The following MSRA variants were observed in gnomAD, a reference collection of about 807,000 sequenced individuals.
The protein encoded by MSRA is mitochondrial peptide methionine sulfoxide reductase.
A neutral mutation model predicts 31.3 loss-of-function variants in MSRA; 54 were observed. That is an observed-to-expected ratio of 1.73 (90% CI 1.39 to 2.17). MSRA has a LOEUF of 2.17. MSRA is among the 30% of genes most tolerant of loss of function. MSRA has a pLI of 0.00. For synonymous variants in MSRA, 169 were observed against 116.5 expected (o/e 1.45, Z -2.90); for missense variants, 507 against 300.9 (o/e 1.69, Z -5.07).
intron 1 of MSRA, among the ~76,000 whole-genome samples, chr8:10,161,684 C>A (rs1010882661): frequency 6.6e-6 from 1 of 151,926 alleles, no homozygotes; most frequent in Admixed American, 6.6e-5. Context: ...GCAGGAGACC[C>A]GGGTTCTGCA....
At chr8:10,105,837 C>T (rs1799844163) in intron 1 of MSRA, among the ~76,000 whole-genome samples, 1 of 152,258 alleles carries the variant, frequency 6.6e-6, no homozygotes, top group South Asian at 2.1e-4. Flanking sequence ...GCTGTCCCGT[C>T]TAAACAAAAC....
intron 5 of MSRA, among the ~76,000 whole-genome samples, chr8:10,360,346 G>T (rs1285787835): frequency 6.6e-6 from 1 of 152,236 alleles, no homozygotes; most frequent in South Asian, 2.1e-4. Context: ...CAAAAAACAT[G>T]CCTTGTGGTT....
At chr8:10,311,985 T>A (rs1329431824) in intron 4 of MSRA, among the ~76,000 whole-genome samples, 2 of 152,162 alleles carry the variant, frequency 1.3e-5, no homozygotes, top group African/African-American at 4.8e-5. Flanking sequence ...ATACTTTGAA[T>A]CAAATGATAA....
intron 4 of MSRA, among the ~76,000 whole-genome samples, chr8:10,305,697 G>A (rs992666338): frequency 3.9e-5 from 6 of 152,138 alleles, no homozygotes; most frequent in African/African-American, 1.4e-4. Context: ...CAGGCCACAA[G>A]GCATGAACCA....
intron 5 of MSRA, among the ~76,000 whole-genome samples, chr8:10,333,614 A>G (rs901021738): frequency 7.2e-5 from 11 of 152,194 alleles, no homozygotes; most frequent in African/African-American, 2.7e-4. Flanking sequence ...TTAGGCAGTT[A>G]TAAGGATGAT....
intron 2 of MSRA, among the ~76,000 whole-genome samples, chr8:10,220,746 T>A (rs962943422): frequency 1.3e-5 from 2 of 152,194 alleles, no homozygotes; most frequent in African/African-American, 4.8e-5. Flanking sequence ...GACATTCTTA[T>A]TACCCTTTCT....
At chr8:10,416,719 C>T (rs539926531) in intron 5 of MSRA, among the ~76,000 whole-genome samples, 1 of 152,240 alleles carries the variant, frequency 6.6e-6, no homozygotes, top group African/African-American at 2.4e-5. Flanking sequence ...TGCTTACACT[C>T]TAACCTCACA....
At chr8:10,352,074 T>A (rs1276826194) in intron 5 of MSRA, among the ~76,000 whole-genome samples, 1 of 152,180 alleles carries the variant, frequency 6.6e-6, no homozygotes, top group Non-Finnish European at 1.5e-5. Flanking sequence ...AAGAGAGAAA[T>A]GAGCTGGATG....
At chr8:10,195,067 C>T (rs1807854310) in intron 1 of MSRA, among the ~76,000 whole-genome samples, 1 of 152,088 alleles carries the variant, frequency 6.6e-6, no homozygotes, top group Admixed American at 6.5e-5. Flanking sequence ...ACTATAGTTA[C>T]CCTATTCTTT....
chr8:10,293,548 G>C (rs1482700063), intron 3 of MSRA, among the ~76,000 whole-genome samples: 1 of 152,134 alleles, frequency 6.6e-6, no homozygotes, highest in Non-Finnish European at 1.5e-5. Flanking sequence ...CTTGATATTT[G>C]AATGATTTTG....
chr8:10,154,414 G>A (rs888210079), intron 1 of MSRA, among the ~76,000 whole-genome samples: 1 of 151,108 alleles, frequency 6.6e-6, no homozygotes, highest in Non-Finnish European at 1.5e-5. Context: ...GTCTTGCTCT[G>A]TCGCCCAGGC....
intron 5 of MSRA, among the ~76,000 whole-genome samples, chr8:10,348,928 A>T (rs918722488): frequency 6.6e-6 from 1 of 152,078 alleles, no homozygotes; most frequent in Non-Finnish European, 1.5e-5. Context: ...TGCTCACGAG[A>T]TCTAAAAAAG....
intron 5 of MSRA, among the ~76,000 whole-genome samples, chr8:10,427,656 C>T (rs896464479): frequency 2.0e-5 from 3 of 152,278 alleles, no homozygotes; most frequent in African/African-American, 4.8e-5. Flanking sequence ...TGGGCAGATG[C>T]GATAGTGCCA....
chr8:10,196,526 A>G (rs1279017083), intron 1 of MSRA, among the ~76,000 whole-genome samples: 1 of 152,100 alleles, frequency 6.6e-6, no homozygotes, highest in Non-Finnish European at 1.5e-5. Flanking sequence ...TTTGAAGGAC[A>G]GTACCTTTTC....
intron 2 of MSRA, among the ~76,000 whole-genome samples, chr8:10,237,079 A>G (rs541803612): frequency 9.8e-5 from 15 of 152,366 alleles, no homozygotes; most frequent in African/African-American, 3.4e-4. Context: ...TATTCACACT[A>G]AAATCACCTG....
At chr8:10,414,919 G>A (rs1808365525) in intron 5 of MSRA, among the ~76,000 whole-genome samples, 1 of 152,208 alleles carries the variant, frequency 6.6e-6, no homozygotes, top group African/African-American at 2.4e-5. Flanking sequence ...GAAAGAGAAG[G>A]AGAAGATCCA....
intron 1 of MSRA, among the ~76,000 whole-genome samples, chr8:10,071,354 T>G (rs1052971351): frequency 1.3e-5 from 2 of 152,188 alleles, no homozygotes; most frequent in East Asian, 3.8e-4. Context: ...GAATTATTGC[T>G]TTACTCTTCA....
intron 5 of MSRA, among the ~76,000 whole-genome samples, chr8:10,334,566 G>C (rs1456259026): frequency 6.6e-6 from 1 of 152,090 alleles, no homozygotes; most frequent in East Asian, 1.9e-4. Context: ...GCGTGGTCCC[G>C]AGCTCCCCGG....
intron 1 of MSRA, among the ~76,000 whole-genome samples, chr8:10,091,038 G>A (rs112098178): frequency 5.9e-5 from 9 of 152,278 alleles, no homozygotes; most frequent in Non-Finnish European, 8.8e-5. Flanking sequence ...AGAGATGATC[G>A]TGTGGGTTCT....
Sources: gnomAD v4.1 joint callset for allele counts (sites outside exome capture counted in the v4.1 genomes callset) on GRCh38, gnomAD v4.1.1 for gene constraint, MANE v1.5 for transcripts, NCBI Gene and HGNC (gene_info 2026-07-23, HGNC 2026-07-21) for gene names.